The following EXOC1 variants were observed in gnomAD, a reference collection of about 807,000 sequenced individuals.
The protein encoded by EXOC1 is exocyst complex component 1.
Under a neutral mutation model 107.7 loss-of-function variants are expected in EXOC1, and 67 were observed. The ratio of observed to expected loss-of-function variants is 0.62; its 90% confidence interval spans 0.51 to 0.76. The LOEUF (loss-of-function observed/expected upper bound fraction) is 0.76. Ranked by LOEUF, EXOC1 falls within the 30% of genes least tolerant of loss-of-function variation. The pLI, the probability that EXOC1 is intolerant of heterozygous loss-of-function variation, is 0.00. For missense variants in EXOC1, 833 were observed against 1,055.7 expected (o/e 0.79, Z 2.92); for synonymous variants, 348 against 353.5 (o/e 0.98, Z 0.17).
intron 7 of EXOC1, among the ~76,000 whole-genome samples, chr4:55,871,476 C>G (rs1278751722): frequency 6.6e-6 from 1 of 152,130 alleles, no homozygotes; most frequent in Admixed American, 6.6e-5. Context: ...TTAGTACTAT[C>G]CACAGAACCC....
chr4:55,892,035 A>C (rs1724618272), intron 13 of EXOC1, among the ~76,000 whole-genome samples: 1 of 152,206 alleles, frequency 6.6e-6, no homozygotes, highest in South Asian at 2.1e-4. Context: ...AAACAGTGCA[A>C]ATAAAGTGTT....
chr4:55,868,269 A>G (rs1348263874), intron 4 of EXOC1, 67 bp from the exon 5 acceptor site: 5 of 1,354,338 alleles, frequency 3.7e-6, no homozygotes, highest in Admixed American at 4.8e-5. Context: ...ATACCTACCT[A>G]TATGTATTAT....
intron 4 of EXOC1, among the ~76,000 whole-genome samples, chr4:55,867,233 G>T (rs1722035583): frequency 6.6e-6 from 1 of 152,190 alleles, no homozygotes; most frequent in East Asian, 1.9e-4. Context: ...TGGACTCGTT[G>T]AAAGGACAAG....
At chr4:55,868,974 G>A (rs1722196592) in intron 5 of EXOC1, among the ~76,000 whole-genome samples, 1 of 152,204 alleles carries the variant, frequency 6.6e-6, no homozygotes, top group African/African-American at 2.4e-5. Context: ...TGAGTGTGGT[G>A]AAAACAGGAG....
chr4:55,895,765 C>T (rs73238392), intron 15 of EXOC1, among the ~76,000 whole-genome samples: 21,147 of 152,116 alleles, frequency 0.14, 1,850 homozygotes, highest in East Asian at 0.48. Context: ...ACATTTCTTT[C>T]GCATTTTGTC....
At chr4:55,876,225 C>A in intron 8 of EXOC1, 1 of 985,306 alleles carries the variant, frequency 1.0e-6, no homozygotes, top group Non-Finnish European at 1.2e-6. Flanking sequence ...CATTCTTCAA[C>A]ACTTTAGCTC....
rs181302963 is a variant in EXOC1 at position 55,875,563 on chromosome 4, T to C, written c.1075-2354T>C. The C allele has an allele frequency of 4.7e-5, 46 of 984,486 alleles. No individual in the cohort carries two copies. In the African/African-American group the frequency reaches 6.8e-4, roughly 15 times the overall value. 61.0% of individuals were successfully genotyped at this position (984,486 alleles called of 1,614,324 possible). A position where few individuals can be genotyped will look rare whatever the true frequency, so the allele number is the denominator to read the frequency against. On this transcript the variant is annotated intron_variant, in intron 8 of 18. Transcript: ENST00000381295. ...CTCCTACCTCCTAGCTGGGTTACCT[T>C]GAACAAGTTAATTGACATTTGTGCC...
intron 1 of EXOC1, among the ~76,000 whole-genome samples, chr4:55,854,424 T>C (rs1028856419): frequency 3.9e-5 from 6 of 152,192 alleles, no homozygotes; most frequent in South Asian, 2.1e-4. Flanking sequence ...TGGTCAGATA[T>C]GGGTTCTCAG....
chr4:55,877,857 T>A, intron 8 of EXOC1, 60 bp from the exon 9 acceptor site: 1 of 1,595,436 alleles, frequency 6.3e-7, no homozygotes, highest in Non-Finnish European at 8.5e-7. Context: ...TTTAGACTTT[T>A]TATTGTAACG....
At chr4:55,855,045 C>T (rs540754879) in intron 1 of EXOC1, among the ~76,000 whole-genome samples, 18 of 152,150 alleles carry the variant, frequency 1.2e-4, no homozygotes, top group African/African-American at 4.1e-4. Context: ...TTGGATAGGG[C>T]GGAGATGATA....
At position 55,871,964 on chromosome 4, in the gene EXOC1, T is replaced by G. The variant is rs757264670; in HGVS notation, c.1074+6T>G. 6.8e-6 allele frequency: 11 copies of G among 1,610,636 alleles called. No individual in the cohort carries two copies. The highest frequency in any genetic ancestry group is 8.5e-7 in the Non-Finnish European group (1 of 1,177,596). ...ACAATGTTTTTGTTCAACAGGTAAT[T>G]TTATTTTATTATTAAAACGAGCATG... is the stretch of plus-strand genomic sequence containing the variant. On this transcript the variant is annotated splice_donor_region_variant and intron_variant, in intron 8 of 18. Transcript: ENST00000381295.
At chr4:55,878,935 G>A (rs1016108965) in intron 9 of EXOC1, among the ~76,000 whole-genome samples, 28 of 152,146 alleles carry the variant, frequency 1.8e-4, no homozygotes, top group Non-Finnish European at 1.3e-4. Context: ...TAATTCAGAC[G>A]AAATGAAGTG....
intron 1 of EXOC1, among the ~76,000 whole-genome samples, chr4:55,854,556 C>T (rs1049084365): frequency 6.6e-6 from 1 of 152,184 alleles, no homozygotes; most frequent in African/African-American, 2.4e-5. Context: ...AAACACCCGG[C>T]TTCAGGTCTT....
At chr4:55,871,782 G>T in intron 7 of EXOC1, 67 bp from the exon 8 acceptor site, 1 of 1,411,366 alleles carries the variant, frequency 7.1e-7, no homozygotes, top group Non-Finnish European at 9.9e-7. Flanking sequence ...TACGTTTAAT[G>T]TTCCATTAAA....
intron 2 of EXOC1, among the ~76,000 whole-genome samples, chr4:55,859,705 TA>T (rs1721301060): frequency 1.3e-5 from 2 of 152,256 alleles, no homozygotes; most frequent in Admixed American, 6.5e-5. Flanking sequence ...CAGTGTTAAG[TA>T]AGTTCCCTTC....
Position 55,890,306 on chromosome 4 carries a change from T to C in EXOC1, c.1459T>C (p.Ser487Pro). The change falls in exon 12 of 19, where the codon TCT becomes CCT. Residue 487 changes from serine to proline, a missense_variant. Physicochemically the swap from Ser to Pro is moderately conservative, Grantham distance 74. Around this residue, in one of 2 missense-constraint regions of EXOC1, gnomAD observed 617 missense variants for 701.3 expected, o/e 0.88. Transcript: ENST00000381295. The stretch of plus-strand genomic sequence containing the variant: ...TGTTCAGAGTTCAGGGAATCGCAGA[T>C]CTCAGTCATCTTCCCTGTTGGATAT... Reference protein sequence around the residue: ...LSVQSSGNRRSQSSSLLDMGN... With the variant: ...LSVQSSGNRRPQSSSLLDMGN... 1 of 1,614,064 alleles carries C rather than the reference T, an allele frequency of 6.2e-7. No individual in the cohort carries two copies. The highest frequency in any genetic ancestry group is 2.2e-5 in the East Asian group (1 of 44,850).
intron 8 of EXOC1, among the ~76,000 whole-genome samples, chr4:55,874,827 GT>G (rs1722748758): frequency 6.6e-6 from 1 of 152,076 alleles, no homozygotes; most frequent in Admixed American, 6.5e-5. Context: ...AATCTGGTCA[GT>G]TTACACTAAT....
Position 55,868,392 on chromosome 4 carries a change from G to A in EXOC1, c.472G>A (p.Asp158Asn). The A allele has an allele frequency of 1.9e-6, 3 of 1,613,736 alleles. No homozygotes were observed. The highest frequency in any genetic ancestry group is 2.5e-6 in the Non-Finnish European group (3 of 1,179,784). ...GACAGGAGGTGATGAAGAAGTAGTA[G>A]ATGAATACCAAGAGTTAAATGCAAG... ...SVTGGDEEVVDEYQELNAREE... is the reference protein window; with the variant it reads ...SVTGGDEEVVNEYQELNAREE... The change falls in exon 5 of 19, where the codon GAT becomes AAT. Residue 158 changes from aspartate to asparagine, a missense_variant. Asp to Asn is a conservative substitution (Grantham distance 23). This residue lies in a region of EXOC1 where 617 missense variants were observed against 701.3 expected (regional missense o/e 0.88). Transcript: ENST00000381295.
At chr4:55,875,990 A>G (rs183676030) in intron 8 of EXOC1, 301 of 966,132 alleles carry the variant, frequency 3.1e-4, no homozygotes, top group Admixed American at 6.8e-4. Flanking sequence ...CTAGTATCTA[A>G]TACATGTGAT....
Sources: allele counts gnomAD v4.1 joint callset (sites outside exome capture counted in the v4.1 genomes callset), GRCh38; gene constraint gnomAD v4.1.1; regional missense constraint gnomAD v4.1.1; transcripts MANE v1.5; gene names NCBI Gene and HGNC (gene_info 2026-07-23, HGNC 2026-07-21).